LUZP2: variants seen among roughly 807,000 people sequenced by gnomAD.
LUZP2 encodes leucine zipper protein 2.
A neutral mutation model predicts 51.6 loss-of-function variants in LUZP2; 52 were observed. The ratio of observed to expected loss-of-function variants is 1.01; its 90% CI spans 0.81 to 1.27. The LOEUF (loss-of-function observed/expected upper bound fraction) is 1.27. Ranked by LOEUF, LUZP2 falls within the 50% of genes most tolerant of loss-of-function variation. The pLI is 0.00. For missense variants in LUZP2, 436 were observed against 395.4 expected (o/e 1.10, Z -0.87); for synonymous variants, 154 against 137.3 (o/e 1.12, Z -0.85).
intron 5 of LUZP2, among the ~76,000 whole-genome samples, chr11:24,852,037 A>G (rs779093245): frequency 6.6e-6 from 1 of 151,904 alleles, no homozygotes; most frequent in African/African-American, 2.4e-5. Flanking sequence ...CAGTATGTCT[A>G]TTTTGTTAAT....
chr11:25,025,481 C>A (rs1461250258), intron 9 of LUZP2, among the ~76,000 whole-genome samples: 1 of 152,216 alleles, frequency 6.6e-6, no homozygotes, highest in South Asian at 2.1e-4. Flanking sequence ...AACAATTGGG[C>A]AAAGGATATG....
intron 1 of LUZP2, among the ~76,000 whole-genome samples, chr11:24,568,840 T>C (rs1409030009): frequency 2.0e-5 from 3 of 152,074 alleles, no homozygotes; most frequent in Non-Finnish European, 4.4e-5. Context: ...TTGATGGAGA[T>C]GGTAAATAGC....
At chr11:24,506,844 G>A (rs1340752403) in intron 1 of LUZP2, among the ~76,000 whole-genome samples, 1 of 151,996 alleles carries the variant, frequency 6.6e-6, no homozygotes, top group Admixed American at 6.6e-5. Context: ...TCTAAGAATG[G>A]CTTTATGAAT....
rs184200094 is a variant in LUZP2 at position 24,982,639 on chromosome 11, G to A, written c.598-487G>A. 2.4e-3 allele frequency among the ~76,000 whole-genome samples: 360 copies of A among 151,808 alleles called. 2 individuals are homozygous for A. Among genetic ancestry groups the A allele is most frequent in the African/African-American group, 8.2e-3 (342 of 41,482 alleles). On this transcript the variant is annotated intron_variant, in intron 8 of 11. Coordinates refer to ENST00000336930, the MANE Select transcript of LUZP2 (RefSeq NM_001009909.4). Reference sequence around the variant, plus strand: ...TGAGAGAAGGGAGAAGAGTAGAGTGGAGTAGAAAGGACAACTGCTGGGTAC... The same window carrying A: ...TGAGAGAAGGGAGAAGAGTAGAGTGAAGTAGAAAGGACAACTGCTGGGTAC...
intron 10 of LUZP2, among the ~76,000 whole-genome samples, chr11:25,051,027 A>T (rs941721012): frequency 3.3e-5 from 5 of 152,226 alleles, no homozygotes; most frequent in Non-Finnish European, 2.9e-5. Context: ...TGTGTTCAAA[A>T]TTAGGCTTTA....
intron 5 of LUZP2, among the ~76,000 whole-genome samples, chr11:24,787,384 T>C (rs1590526312): frequency 6.6e-6 from 1 of 152,164 alleles, no homozygotes; most frequent in Non-Finnish European, 1.5e-5. Flanking sequence ...CAAAGATTTA[T>C]TGTGAAAACT....
intron 5 of LUZP2, among the ~76,000 whole-genome samples, chr11:24,776,546 G>T (rs910720641): frequency 1.3e-5 from 2 of 152,078 alleles, no homozygotes; most frequent in Non-Finnish European, 2.9e-5. Context: ...TGCCATCCTC[G>T]ATCATTTTCT....
At chr11:24,627,873 A>G (rs1854738676) in intron 1 of LUZP2, among the ~76,000 whole-genome samples, 1 of 152,200 alleles carries the variant, frequency 6.6e-6, no homozygotes, top group Non-Finnish European at 1.5e-5. Context: ...TGTAATACAG[A>G]TAATGACACC....
chr11:24,873,615 A>T (rs1852153315), intron 5 of LUZP2, among the ~76,000 whole-genome samples: 1 of 152,178 alleles, frequency 6.6e-6, no homozygotes, highest in Admixed American at 6.6e-5. Flanking sequence ...TGTCAAAATA[A>T]ACATCCTCAT....
chr11:24,604,568 G>A (rs570893733), intron 1 of LUZP2, among the ~76,000 whole-genome samples: 71 of 151,808 alleles, frequency 4.7e-4, no homozygotes, highest in South Asian at 1.7e-3. Context: ...GATAAAAAAC[G>A]GTGGCATAGA....
chr11:24,750,115 C>G (rs576135242), intron 4 of LUZP2, among the ~76,000 whole-genome samples: 1 of 152,330 alleles, frequency 6.6e-6, no homozygotes, highest in Non-Finnish European at 1.5e-5. Flanking sequence ...TCAGAATACT[C>G]TGGATGTTAT....
chr11:25,004,144 C>T (rs1390649024), intron 9 of LUZP2, among the ~76,000 whole-genome samples: 1 of 152,082 alleles, frequency 6.6e-6, no homozygotes, highest in East Asian at 1.9e-4. Context: ...CACCCTGAGT[C>T]CAGTTGTTGG....
At chr11:24,614,848 C>A (rs2133893667) in intron 1 of LUZP2, among the ~76,000 whole-genome samples, 1 of 152,022 alleles carries the variant, frequency 6.6e-6, no homozygotes, top group Middle Eastern at 3.4e-3. Flanking sequence ...TTGATTACTT[C>A]TTTATAATTT....
At chr11:25,009,701 G>T (rs933247405) in intron 9 of LUZP2, among the ~76,000 whole-genome samples, 3 of 151,970 alleles carry the variant, frequency 2.0e-5, no homozygotes, top group Admixed American at 1.3e-4. Flanking sequence ...CTAACCAAAG[G>T]CATTGTGATT....
chr11:25,040,930 C>A (rs1858034913), intron 9 of LUZP2, among the ~76,000 whole-genome samples: 1 of 152,062 alleles, frequency 6.6e-6, no homozygotes, highest in Admixed American at 6.6e-5. Flanking sequence ...TGTATCGCTA[C>A]CAAAATTGAT....
At chr11:24,815,099 A>G (rs1763122015) in intron 5 of LUZP2, among the ~76,000 whole-genome samples, 1 of 152,178 alleles carries the variant, frequency 6.6e-6, no homozygotes, top group South Asian at 2.1e-4. Flanking sequence ...TGAGAATGGG[A>G]AACTGAATCT....
intron 1 of LUZP2, among the ~76,000 whole-genome samples, chr11:24,619,426 T>G (rs1854418112): frequency 6.6e-6 from 1 of 152,288 alleles, no homozygotes; most frequent in Admixed American, 6.5e-5. Flanking sequence ...AGACCAGAAT[T>G]TTCTTATCCT....
At position 25,081,620 on chromosome 11, in the gene LUZP2, A is replaced by G. The variant is rs1205096415; in HGVS notation, c.*2962A>G. Reference sequence around the variant, plus strand: ...TCCTCTTACATTTGTGAATGTGTCTATGAGAGAGGGGCCATTTCTCACATA... The same window carrying G: ...TCCTCTTACATTTGTGAATGTGTCTGTGAGAGAGGGGCCATTTCTCACATA... On this transcript the variant is annotated 3_prime_UTR_variant, in exon 12 of 12. Transcript: ENST00000336930. 3 of 152,144 alleles carry G rather than the reference A, an allele frequency of 2.0e-5. No homozygotes were observed. Among genetic ancestry groups the G allele is most frequent in the Admixed American group, 6.6e-5 (1 of 15,266 alleles). The allele number at this position is 152,144 out of a possible 1,614,324, so 9.4% of individuals were successfully genotyped here. A position where few individuals can be genotyped will look rare whatever the true frequency, so the allele number is the denominator to read the frequency against.
chr11:24,570,045 A>G (rs567865696), intron 1 of LUZP2, among the ~76,000 whole-genome samples: 274 of 152,186 alleles, frequency 1.8e-3, no homozygotes, highest in African/African-American at 6.4e-3. Context: ...CTATCAGAAG[A>G]CTACTACACT....
Sources: gnomAD v4.1 joint callset for allele counts (sites outside exome capture counted in the v4.1 genomes callset) on GRCh38, gnomAD v4.1.1 for gene constraint, MANE v1.5 for transcripts, NCBI Gene and HGNC (gene_info 2026-07-23, HGNC 2026-07-21) for gene names.